The following EYS variants were observed in gnomAD, a reference collection of about 807,000 sequenced individuals.
EYS encodes protein eyes shut homolog.
EYS carries 250 observed loss-of-function variants against 282.1 expected under a neutral mutation model. The observed-to-expected ratio is 0.89, with a 90% confidence interval of 0.80 to 0.98. The LOEUF is 0.98. Among genes scored for constraint, EYS ranks in the 50% least tolerant of loss-of-function variants. The pLI is 0.00. For missense variants in EYS, 4,016 were observed against 3,709.0 expected (o/e 1.08, Z -2.15); for synonymous variants, 1,355 against 1,282.9 (o/e 1.06, Z -1.20).
At chr6:65,497,819 C>T (rs927744073) in intron 2 of EYS, among the ~76,000 whole-genome samples, 4 of 152,016 alleles carry the variant, frequency 2.6e-5, no homozygotes, top group African/African-American at 4.8e-5. Flanking sequence ...TGAGGACCAA[C>T]ATGTTGTGTC....
chr6:65,495,675 G>T, intron 3 of EYS, 68 bp from the exon 4 acceptor site: 2 of 520,514 alleles, frequency 3.8e-6, no homozygotes, highest in East Asian at 6.9e-5. Flanking sequence ...GAAAATGCTA[G>T]CTCTTTTTGT....
intron 5 of EYS, among the ~76,000 whole-genome samples, chr6:65,442,412 G>T (rs888847037): frequency 6.6e-6 from 1 of 151,924 alleles, no homozygotes; most frequent in South Asian, 2.1e-4. Context: ...TTATGGTAAG[G>T]CAATTTTATT....
intron 13 of EYS, among the ~76,000 whole-genome samples, chr6:65,007,232 A>G (rs1467440756): frequency 6.6e-6 from 1 of 152,122 alleles, no homozygotes; most frequent in East Asian, 1.9e-4. Context: ...ATGCTCTAGG[A>G]CTAATGCTCA....
At chr6:65,629,169 G>A (rs911767172) in intron 2 of EYS, among the ~76,000 whole-genome samples, 1 of 152,168 alleles carries the variant, frequency 6.6e-6, no homozygotes, top group African/African-American at 2.4e-5. Context: ...AGGTAAGCCT[G>A]TTCTACAGAT....
At chr6:64,947,186 C>T (rs1422799507) in intron 14 of EYS, among the ~76,000 whole-genome samples, 2 of 151,542 alleles carry the variant, frequency 1.3e-5, no homozygotes, top group Non-Finnish European at 1.5e-5. Flanking sequence ...ATGATATGAC[C>T]AATAATTTAA....
chr6:64,925,089 T>C (rs1462685467), intron 15 of EYS, among the ~76,000 whole-genome samples: 1 of 152,146 alleles, frequency 6.6e-6, no homozygotes, highest in Non-Finnish European at 1.5e-5. Flanking sequence ...AGAGGCTTAA[T>C]TGGATTTATA....
chr6:64,420,555 C>A (rs780151658), intron 28 of EYS, among the ~76,000 whole-genome samples: 28 of 152,178 alleles, frequency 1.8e-4, no homozygotes, highest in Admixed American at 5.2e-4. Flanking sequence ...TTGGAGCTTA[C>A]ACCCTCTGAA....
At chr6:64,427,205 G>A (rs921295257) in intron 28 of EYS, among the ~76,000 whole-genome samples, 1 of 152,142 alleles carries the variant, frequency 6.6e-6, no homozygotes, top group African/African-American at 2.4e-5. Flanking sequence ...GTTCCTAGAA[G>A]TATTCTGCTA....
rs187186818 is a variant in EYS, at chr6:64,072,873, A to G, written c.6572-6382T>C. On this transcript the variant is annotated intron_variant, in intron 32 of 42. Transcript: ENST00000503581. ...GTAGGGTAGAACAGAACAGCTGAGC[A>G]TTTAGGTCAAGCTGTTGTGCCATAT... Among the ~76,000 whole-genome samples, 17 of 152,092 alleles carry G rather than the reference A, an allele frequency of 1.1e-4. No individual in the cohort carries two copies. The East Asian group carries it at 3.1e-3, about 28-fold the overall frequency.
chr6:65,157,034 T>C (rs958087955), intron 12 of EYS, among the ~76,000 whole-genome samples: 1 of 151,184 alleles, frequency 6.6e-6, no homozygotes, highest in African/African-American at 2.4e-5. Flanking sequence ...ATCTGTTATT[T>C]GACTCAGTTC....
chr6:65,531,056 A>T (rs1425858248), intron 2 of EYS, among the ~76,000 whole-genome samples: 2 of 152,160 alleles, frequency 1.3e-5, no homozygotes, highest in Non-Finnish European at 2.9e-5. Flanking sequence ...ATAAATGAAT[A>T]ATCTGTGTTT....
At chr6:64,255,137 G>A (rs1327187846) in intron 30 of EYS, among the ~76,000 whole-genome samples, 4 of 151,962 alleles carry the variant, frequency 2.6e-5, no homozygotes, top group African/African-American at 7.3e-5. Flanking sequence ...AGCCATCATT[G>A]TTGACCATGA....
chr6:65,599,152 C>T (rs541223849), intron 2 of EYS, among the ~76,000 whole-genome samples: 49 of 152,098 alleles, frequency 3.2e-4, no homozygotes, highest in Middle Eastern at 3.4e-3. Context: ...CCTGCAAATA[C>T]TATGTTTCTA....
At chr6:65,334,778 A>C in intron 11 of EYS, 1 of 537,768 alleles carries the variant, frequency 1.9e-6, no homozygotes, top group Non-Finnish European at 3.3e-6. Flanking sequence ...CCCTCCTTTT[A>C]TTGTGCTAGA....
intron 24 of EYS, among the ~76,000 whole-genome samples, chr6:64,610,104 A>C (rs968822688): frequency 1.3e-5 from 2 of 152,096 alleles, no homozygotes; most frequent in Non-Finnish European, 2.9e-5. Context: ...TGTTATCTTC[A>C]ATATAGCCAA....
chr6:65,488,813 A>G (rs951057177), intron 5 of EYS, among the ~76,000 whole-genome samples: 6 of 152,168 alleles, frequency 3.9e-5, no homozygotes, highest in Admixed American at 3.3e-4. Context: ...AGACCTCAGA[A>G]ATAACACCAC....
At chr6:65,404,846 G>A (rs1017779296) in intron 6 of EYS, among the ~76,000 whole-genome samples, 8 of 151,710 alleles carry the variant, frequency 5.3e-5, no homozygotes, top group African/African-American at 1.5e-4. Flanking sequence ...AAGAGCTAAT[G>A]AAATATTTCC....
chr6:64,045,359 T>G (rs1362704482), intron 33 of EYS, among the ~76,000 whole-genome samples: 1 of 151,698 alleles, frequency 6.6e-6, no homozygotes, highest in African/African-American at 2.4e-5. Context: ...GAGTAACTCA[T>G]TTTTTAATGT....
chr6:65,265,803 T>C (rs1424050225), intron 12 of EYS, among the ~76,000 whole-genome samples: 1 of 151,932 alleles, frequency 6.6e-6, no homozygotes, highest in East Asian at 1.9e-4. Flanking sequence ...AATGCTCTTA[T>C]TTTTTAGCTA....
Sources: gnomAD v4.1 joint callset for allele counts (sites outside exome capture counted in the v4.1 genomes callset) on GRCh38, gnomAD v4.1.1 for gene constraint, MANE v1.5 for transcripts, NCBI Gene and HGNC (gene_info 2026-07-23, HGNC 2026-07-21) for gene names.